EPG5: variants seen among roughly 807,000 people sequenced by gnomAD.
The protein encoded by EPG5 is ectopic P-granules 5 autophagy tethering factor.
Under a neutral mutation model 302.7 loss-of-function variants are expected in EPG5, and 159 were observed. The ratio of observed to expected loss-of-function variants is 0.53; its 90% CI spans 0.46 to 0.60. The LOEUF (loss-of-function observed/expected upper bound fraction) is 0.60. Among genes scored for constraint, EPG5 ranks in the 20% least tolerant of loss-of-function variants. The pLI is 0.00. For synonymous variants in EPG5, 1,158 were observed against 1,136.8 expected (o/e 1.02, Z -0.37); for missense variants, 2,896 against 3,092.4 (o/e 0.94, Z 1.51).
At chr18:45,839,915 C>G in the EPG5 span, among the ~76,000 whole-genome samples, 1 of 152,162 alleles carries the variant, frequency 6.6e-6, no homozygotes, top group Non-Finnish European at 1.5e-5. Flanking sequence ...GTGGCCCTGG[C>G]TGCTGCTGTG....
chr18:45,923,522 C>G, intron 14 of EPG5, 135 bp from the exon 15 acceptor site: 1 of 914,664 alleles, frequency 1.1e-6, no homozygotes, highest in Non-Finnish European at 1.6e-6. Flanking sequence ...AAATCACATC[C>G]CACACAGTCA....
At chr18:45,813,076 A>G in the EPG5 span, among the ~76,000 whole-genome samples, 1 of 152,232 alleles carries the variant, frequency 6.6e-6, no homozygotes, top group Non-Finnish European at 1.5e-5. Context: ...TTTACAAGAA[A>G]AAAACAACCC....
intron 43 of EPG5, among the ~76,000 whole-genome samples, chr18:45,855,024 G>A (rs931306399): frequency 2.6e-5 from 4 of 151,880 alleles, no homozygotes; most frequent in African/African-American, 7.2e-5. Context: ...CTTTGTACCT[G>A]GCCAGCATGT....
At chr18:45,913,413 A>T (rs2049956187) in intron 21 of EPG5, among the ~76,000 whole-genome samples, 1 of 152,192 alleles carries the variant, frequency 6.6e-6, no homozygotes, top group Non-Finnish European at 1.5e-5. Context: ...AGGTCTAGGA[A>T]TCTGCTTTTT....
chr18:45,837,451 C>T, the EPG5 span: 9 of 1,417,722 alleles, frequency 6.3e-6, no homozygotes, highest in Non-Finnish European at 8.2e-6. Context: ...GGTTTCCAGG[C>T]CCCGGGTGCG....
intron 23 of EPG5, among the ~76,000 whole-genome samples, chr18:45,909,513 T>C (rs902425096): frequency 1.2e-4 from 18 of 152,214 alleles, no homozygotes; most frequent in Non-Finnish European, 2.4e-4. Context: ...CTATTGTGTA[T>C]TGAGGATTAA....
the EPG5 span, among the ~76,000 whole-genome samples, chr18:45,832,065 C>T: frequency 6.6e-6 from 1 of 152,214 alleles, no homozygotes; most frequent in Non-Finnish European, 1.5e-5. Flanking sequence ...TCACCCTGAG[C>T]ACTTTCCCAC....
intron 9 of EPG5, among the ~76,000 whole-genome samples, chr18:45,940,773 T>C (rs1425250905): frequency 1.3e-5 from 2 of 152,180 alleles, no homozygotes; most frequent in Non-Finnish European, 2.9e-5. Flanking sequence ...GTGGAGATGA[T>C]AAAATTTGCA....
chr18:45,814,706 T>C, the EPG5 span, among the ~76,000 whole-genome samples: 1 of 152,316 alleles, frequency 6.6e-6, no homozygotes, highest in African/African-American at 2.4e-5. Flanking sequence ...TGAAATGATG[T>C]GACCAAAATC....
intron 36 of EPG5, 72 bp from the exon 37 acceptor site, chr18:45,867,820 G>A: frequency 1.5e-6 from 2 of 1,341,090 alleles, no homozygotes; most frequent in South Asian, 1.4e-5. Context: ...TATGTAAATT[G>A]TTTCATAATT....
At chr18:45,911,803 T>C (rs2049909836) in intron 22 of EPG5, among the ~76,000 whole-genome samples, 2 of 152,192 alleles carry the variant, frequency 1.3e-5, no homozygotes, top group South Asian at 4.1e-4. Flanking sequence ...TAGAGAGCAA[T>C]GGTTCGTAAT....
At chr18:45,960,617 T>C (rs139420718) in intron 1 of EPG5, among the ~76,000 whole-genome samples, 157 of 152,324 alleles carry the variant, frequency 1.0e-3, no homozygotes, top group African/African-American at 3.7e-3. Flanking sequence ...CATGCTTAAC[T>C]ATACATTACA....
intron 41 of EPG5, 85 bp downstream of exon 41, chr18:45,858,481 G>A (rs2048563608): frequency 9.9e-7 from 1 of 1,011,512 alleles, no homozygotes; most frequent in Non-Finnish European, 1.5e-6. Flanking sequence ...TCTTGGTTCT[G>A]TGTACTTAAA....
At chr18:45,820,138 A>T in the EPG5 span, among the ~76,000 whole-genome samples, 1 of 152,130 alleles carries the variant, frequency 6.6e-6, no homozygotes, top group Non-Finnish European at 1.5e-5. Flanking sequence ...CAGCATGGGA[A>T]GCTGAAAATA....
chr18:45,905,591 G>A (rs1004353198), intron 24 of EPG5, among the ~76,000 whole-genome samples: 1 of 152,176 alleles, frequency 6.6e-6, no homozygotes, highest in Non-Finnish European at 1.5e-5. Context: ...GTTAACAGAG[G>A]CTAATGAATA....
the EPG5 span, chr18:45,825,742 T>C: frequency 6.2e-7 from 1 of 1,614,222 alleles, no homozygotes; most frequent in African/African-American, 1.3e-5. Flanking sequence ...GAAAAGTCCA[T>C]CTGGCTGCTG....
downstream of EPG5, among the ~76,000 whole-genome samples, chr18:45,846,042 G>C (rs1371285945): frequency 3.3e-5 from 5 of 152,292 alleles, no homozygotes; most frequent in African/African-American, 1.2e-4. Context: ...GGACAAGAGA[G>C]CCAGGGTCAG....
intron 11 of EPG5, among the ~76,000 whole-genome samples, chr18:45,934,514 C>G (rs2050472919): frequency 6.6e-6 from 1 of 152,160 alleles, no homozygotes; most frequent in Non-Finnish European, 1.5e-5. Context: ...TCTGTTAATA[C>G]AACTGTCAAC....
chr18:45,938,872 AC>A (rs1394429709), intron 10 of EPG5, among the ~76,000 whole-genome samples: 2 of 152,266 alleles, frequency 1.3e-5, no homozygotes, highest in African/African-American at 2.4e-5. Flanking sequence ...GCTAAGAGTT[AC>A]ATGGCAAGAG....
Sources: gnomAD v4.1 joint callset for allele counts (sites outside exome capture counted in the v4.1 genomes callset) on GRCh38, gnomAD v4.1.1 for gene constraint, MANE v1.5 for transcripts, NCBI Gene and HGNC (gene_info 2026-07-23, HGNC 2026-07-21) for gene names.